Variants in MTCL2 observed in about 807,000 individuals in gnomAD.
MTCL2 encodes the protein microtubule cross-linking factor 2.
chr20:36,807,162 G>A, the MTCL2 span, among the ~76,000 whole-genome samples: 9 of 152,180 alleles, frequency 5.9e-5, no homozygotes, highest in Admixed American at 1.3e-4. Context: ...ATGGAATGGC[G>A]GTAGTGACTC....
chr20:36,857,107 G>A, the MTCL2 span, among the ~76,000 whole-genome samples: 2 of 152,276 alleles, frequency 1.3e-5, no homozygotes, highest in Non-Finnish European at 1.5e-5. Flanking sequence ...GCCTGGCAAG[G>A]GTAGATGTGC....
At chr20:36,785,809 C>T in the MTCL2 span, 3 of 985,390 alleles carry the variant, frequency 3.0e-6, no homozygotes, top group South Asian at 4.7e-5. Context: ...GTTTCCACTT[C>T]GCCTCCCAGC....
At chr20:36,792,134 C>T in the MTCL2 span, among the ~76,000 whole-genome samples, 2 of 152,078 alleles carry the variant, frequency 1.3e-5, no homozygotes, top group Admixed American at 6.6e-5. Context: ...TAGGAGGAGC[C>T]CCGATTTGTA....
the MTCL2 span, among the ~76,000 whole-genome samples, chr20:36,805,351 C>T: frequency 8.5e-5 from 13 of 152,218 alleles, no homozygotes; most frequent in African/African-American, 3.1e-4. Flanking sequence ...CCATCCCTAC[C>T]CCAGCTCACC....
chr20:36,846,339 C>T, the MTCL2 span, among the ~76,000 whole-genome samples: 4 of 152,338 alleles, frequency 2.6e-5, no homozygotes, highest in South Asian at 2.1e-4. Flanking sequence ...AGCCCCACCA[C>T]GGCCTGGCCA....
At chr20:36,852,581 A>AT in the MTCL2 span, among the ~76,000 whole-genome samples, 4 of 152,198 alleles carry the variant, frequency 2.6e-5, no homozygotes, top group African/African-American at 9.6e-5. Context: ...CAAAGACTCA[A>AT]TCCCTTCATA....
chr20:36,855,380 G>A, the MTCL2 span, among the ~76,000 whole-genome samples: 1 of 152,182 alleles, frequency 6.6e-6, no homozygotes, highest in Non-Finnish European at 1.5e-5. Flanking sequence ...GAGAACAAAG[G>A]GCTGGCCTGC....
the MTCL2 span, chr20:36,796,873 T>G: frequency 1.2e-6 from 2 of 1,613,828 alleles, no homozygotes; most frequent in East Asian, 2.2e-5. Context: ...GGGACCAGCA[T>G]GCAAGCACCT....
At chr20:36,862,965 G>C in the MTCL2 span, 4 of 1,404,744 alleles carry the variant, frequency 2.8e-6, no homozygotes, top group Non-Finnish European at 3.7e-6. Context: ...CTCCTCCGAC[G>C]CGCAGTCCGA....
At chr20:36,786,498 G>T in the MTCL2 span, 4 of 1,545,780 alleles carry the variant, frequency 2.6e-6, no homozygotes, top group Non-Finnish European at 3.5e-6. Context: ...CTCGCTGGGG[G>T]GGAGTGCCCT....
the MTCL2 span, chr20:36,783,989 T>C: frequency 2.0e-6 from 2 of 985,670 alleles, no homozygotes; most frequent in Non-Finnish European, 1.2e-6. Flanking sequence ...ACTGGGGCTT[T>C]ACTGAAAACC....
At chr20:36,806,069 A>G in the MTCL2 span, 1 of 745,042 alleles carries the variant, frequency 1.3e-6, no homozygotes, top group Admixed American at 2.9e-5. Flanking sequence ...AGGCCCTCCT[A>G]GCCTCCCACG....
At chr20:36,849,060 CT>C in the MTCL2 span, among the ~76,000 whole-genome samples, 10 of 62,236 alleles carry the variant, frequency 1.6e-4, no homozygotes, top group East Asian at 1.7e-3. Flanking sequence ...AGTTGGTTTC[CT>C]TTTTTTTTTT....
the MTCL2 span, among the ~76,000 whole-genome samples, chr20:36,791,277 C>A: frequency 6.6e-6 from 1 of 152,154 alleles, no homozygotes; most frequent in African/African-American, 2.4e-5. Context: ...TTGTGATCCA[C>A]CCGCCTCGGC....
At chr20:36,808,108 C>T in the MTCL2 span, among the ~76,000 whole-genome samples, 1 of 151,008 alleles carries the variant, frequency 6.6e-6, no homozygotes, top group Non-Finnish European at 1.5e-5. Context: ...ATCTCCTGAC[C>T]TCGTGATCCA....
the MTCL2 span, chr20:36,785,063 C>CCCT: frequency 1.0e-6 from 1 of 985,462 alleles, no homozygotes; most frequent in South Asian, 4.7e-5. Context: ...GGCCGTCCAG[C>CCCT]CCTCCACCTT....
chr20:36,854,347 C>T, the MTCL2 span, among the ~76,000 whole-genome samples: 15 of 152,212 alleles, frequency 9.9e-5, no homozygotes, highest in African/African-American at 3.1e-4. Context: ...TAATCAACAT[C>T]GTGGTAAATG....
At chr20:36,785,611 G>A in the MTCL2 span, 7 of 985,268 alleles carry the variant, frequency 7.1e-6, no homozygotes, top group African/African-American at 1.7e-5. Context: ...CTCTCAGGGT[G>A]CCAGGGAAAG....
the MTCL2 span, among the ~76,000 whole-genome samples, chr20:36,820,979 TTTC>T: frequency 6.6e-6 from 1 of 152,230 alleles, no homozygotes; most frequent in Non-Finnish European, 1.5e-5. Flanking sequence ...TAGGGAAGGC[TTTC>T]TTCTTTAATT....
Sources: gnomAD v4.1 joint callset for allele counts (sites outside exome capture counted in the v4.1 genomes callset) on GRCh38, gnomAD v4.1.1 for gene constraint, MANE v1.5 for transcripts, NCBI Gene and HGNC (gene_info 2026-07-23, HGNC 2026-07-21) for gene names.